Variants in ZNF341 observed in about 807,000 individuals in gnomAD.
ZNF341 encodes zinc finger protein 341.
Under a neutral mutation model 87.7 loss-of-function variants are expected in ZNF341, and 52 were observed. The observed-to-expected ratio is 0.59, with a 90% confidence interval of 0.47 to 0.75. The LOEUF (loss-of-function observed/expected upper bound fraction) is 0.75. Ranked by LOEUF, ZNF341 falls within the 30% of genes least tolerant of loss-of-function variation. The pLI is 0.00. For synonymous variants in ZNF341, 459 were observed against 472.7 expected (o/e 0.97, Z 0.38); for missense variants, 977 against 1,145.9 (o/e 0.85, Z 2.13).
intron 4 of ZNF341, chr20:33,752,469 G>T: frequency 1.8e-6 from 1 of 546,754 alleles, no homozygotes; most frequent in Non-Finnish European, 3.6e-6. Flanking sequence ...TGTTGATGGT[G>T]TATTCTCAGG....
At chr20:33,772,140 G>A (rs957182593) in intron 10 of ZNF341, among the ~76,000 whole-genome samples, 3 of 149,000 alleles carry the variant, frequency 2.0e-5, no homozygotes, top group Non-Finnish European at 3.0e-5. Context: ...TTCCTTTGTT[G>A]ATGGTGTTAT....
rs75552513 is a variant in ZNF341 at position 33,763,870 on chromosome 20, A to G, written c.1222+1815A>G. Among the ~76,000 whole-genome samples the G allele has an allele frequency of 5.9e-4, 89 of 151,998 alleles. No homozygotes were observed. In the East Asian group the frequency reaches 0.017, roughly 30 times the overall value. Reference sequence around the variant, plus strand: ...GAGCAGCGCTGCCCAACAGAAATATAGTATGAACAACATATGTAATTTAAA... The same window carrying G: ...GAGCAGCGCTGCCCAACAGAAATATGGTATGAACAACATATGTAATTTAAA... On this transcript the variant is annotated intron_variant, in intron 8 of 14. Transcript: ENST00000375200.
chr20:33,780,550 G>A (rs988139768), intron 10 of ZNF341, among the ~76,000 whole-genome samples: 2 of 152,024 alleles, frequency 1.3e-5, no homozygotes, highest in Admixed American at 1.3e-4. Context: ...TGGGATTACA[G>A]GTCCACGCTA....
At chr20:33,762,995 C>T (rs139461249) in intron 8 of ZNF341, among the ~76,000 whole-genome samples, 1 of 152,244 alleles carries the variant, frequency 6.6e-6, no homozygotes, top group East Asian at 1.9e-4. Context: ...AACTATTTGA[C>T]AGCCACCATA....
chr20:33,740,537 C>G (rs73263558), intron 1 of ZNF341, among the ~76,000 whole-genome samples: 64 of 152,256 alleles, frequency 4.2e-4, no homozygotes, highest in African/African-American at 1.2e-3. Flanking sequence ...CTTGCTCTGT[C>G]AAGAGCAAGT....
chr20:33,734,506 T>C (rs558813901), intron 1 of ZNF341, among the ~76,000 whole-genome samples: 7 of 152,004 alleles, frequency 4.6e-5, no homozygotes, highest in South Asian at 2.1e-4. Flanking sequence ...TTGAGATGTA[T>C]TGGGGAGACA....
At chr20:33,768,306 A>G (rs930466479) in intron 9 of ZNF341, among the ~76,000 whole-genome samples, 2 of 151,728 alleles carry the variant, frequency 1.3e-5, no homozygotes, top group Non-Finnish European at 1.5e-5. Flanking sequence ...TATTTTTAGT[A>G]GAGACGGTGT....
At chr20:33,759,007 C>T (rs2019238510) in intron 7 of ZNF341, among the ~76,000 whole-genome samples, 1 of 152,206 alleles carries the variant, frequency 6.6e-6, no homozygotes, top group Non-Finnish European at 1.5e-5. Flanking sequence ...GCTGTGGGAC[C>T]TGCCCATAGA....
chr20:33,738,575 T>A (rs1400728036), intron 1 of ZNF341, among the ~76,000 whole-genome samples: 2 of 152,202 alleles, frequency 1.3e-5, no homozygotes, highest in Admixed American at 6.6e-5. Context: ...AGGTCAGGTG[T>A]CTTTCACTGT....
intron 1 of ZNF341, among the ~76,000 whole-genome samples, chr20:33,739,064 G>A (rs1367140338): frequency 1.3e-5 from 2 of 152,250 alleles, no homozygotes; most frequent in Admixed American, 6.5e-5. Context: ...TCCACCTCCC[G>A]GGTTCAAGCA....
rs2020054590 is a variant in ZNF341, at chr20:33,792,247, A to G, written c.*730A>G. The G allele has an allele frequency of 6.6e-6, 1 of 152,260 alleles. No homozygotes were observed. Among genetic ancestry groups the G allele is most frequent in the Non-Finnish European group, 1.5e-5 (1 of 68,086 alleles). 9.4% of individuals were successfully genotyped at this position (152,260 alleles called of 1,614,324 possible). On this transcript the variant is annotated 3_prime_UTR_variant, in exon 15 of 15. Transcript: ENST00000375200. ...GTGCCCGGCACGCAGAAAGTGCTCA[A>G]TAAATGTTTTTGTCATAACGTGTCC...
chr20:33,744,599 T>C (rs200348893), intron 2 of ZNF341, among the ~76,000 whole-genome samples: 1 of 146,052 alleles, frequency 6.8e-6, no homozygotes, highest in African/African-American at 2.6e-5. Flanking sequence ...GTGGTTTTTT[T>C]TCTTTTTTTT....
At chr20:33,770,853 G>C (rs2019517015) in intron 10 of ZNF341, among the ~76,000 whole-genome samples, 1 of 152,176 alleles carries the variant, frequency 6.6e-6, no homozygotes, top group Admixed American at 6.5e-5. Flanking sequence ...GGGCGTGGTG[G>C]CTCACACCTG....
intron 12 of ZNF341, among the ~76,000 whole-genome samples, chr20:33,785,636 C>T (rs779733772): frequency 2.6e-5 from 4 of 152,126 alleles, no homozygotes; most frequent in South Asian, 2.1e-4. Context: ...CACACCCAGC[C>T]TATTTTTAAT....
intron 3 of ZNF341, among the ~76,000 whole-genome samples, chr20:33,745,815 G>T (rs1295239562): frequency 6.6e-6 from 1 of 151,974 alleles, no homozygotes; most frequent in Non-Finnish European, 1.5e-5. Context: ...GAGTGTGCTG[G>T]GTTTGTTCCA....
At chr20:33,743,428 C>T (rs1480215012) in intron 2 of ZNF341, among the ~76,000 whole-genome samples, 1 of 151,056 alleles carries the variant, frequency 6.6e-6, no homozygotes, top group African/African-American at 2.4e-5. Flanking sequence ...CAACCTCCAC[C>T]TCCTGGGTTT....
At chr20:33,761,431 A>AT (rs771283872) in intron 7 of ZNF341, among the ~76,000 whole-genome samples, 20 of 151,962 alleles carry the variant, frequency 1.3e-4, no homozygotes, top group Non-Finnish European at 2.5e-4. Context: ...CACCCAGTTA[A>AT]TTTTTTATCT....
Position 33,791,866 on chromosome 20 carries a change from T to C in ZNF341, c.*349T>C, listed in dbSNP as rs1467807390. 56 of 264,326 alleles carry C rather than the reference T, an allele frequency of 2.1e-4. No individual in the cohort carries two copies. Among genetic ancestry groups the C allele is most frequent in the Non-Finnish European group, 4.3e-5 (6 of 139,562 alleles). The allele number at this position is 264,326 out of a possible 1,614,324, so 16.4% of individuals were successfully genotyped here. ...GGAGACAGGGCATTCCTCCCCACTCTGTCTCCAGGCTGCCTCTGGGTAGCC... is the reference window on the plus strand; with the variant it reads ...GGAGACAGGGCATTCCTCCCCACTCCGTCTCCAGGCTGCCTCTGGGTAGCC... On this transcript the variant is annotated 3_prime_UTR_variant, in exon 15 of 15. Coordinates refer to ENST00000375200, the MANE Select transcript of ZNF341 (RefSeq NM_001282933.2).
chr20:33,757,057 G>A, intron 5 of ZNF341, 91 bp from the exon 6 acceptor site: 3 of 1,117,752 alleles, frequency 2.7e-6, no homozygotes, highest in Non-Finnish European at 3.6e-6. Flanking sequence ...GAGCGGCTGA[G>A]GTCAATCAGG....
Sources: gnomAD v4.1 joint callset for allele counts (sites outside exome capture counted in the v4.1 genomes callset) on GRCh38, gnomAD v4.1.1 for gene constraint, MANE v1.5 for transcripts, NCBI Gene and HGNC (gene_info 2026-07-23, HGNC 2026-07-21) for gene names.